The following UBL3 variants were observed in gnomAD, a reference collection of about 807,000 sequenced individuals.
The protein encoded by UBL3 is ubiquitin like 3, also known as ubiquitin-like protein 3.
UBL3 carries 6 observed loss-of-function variants against 18.4 expected under a neutral mutation model. The ratio of observed to expected loss-of-function variants is 0.33; its 90% CI spans 0.18 to 0.64. The LOEUF is 0.64. Ranked by LOEUF, UBL3 falls within the 30% of genes least tolerant of loss-of-function variation. The pLI is 0.76. For missense variants in UBL3, 109 were observed against 142.9 expected (o/e 0.76, Z 1.21); for synonymous variants, 49 against 46.6 (o/e 1.05, Z -0.21).
intron 1 of UBL3, among the ~76,000 whole-genome samples, chr13:29,818,359 T>C (rs1878338569): frequency 6.6e-6 from 1 of 152,156 alleles, no homozygotes; most frequent in African/African-American, 2.4e-5. Flanking sequence ...CAGAGACACT[T>C]AACATCAATT....
intron 1 of UBL3, among the ~76,000 whole-genome samples, chr13:29,793,733 C>T (rs552095296): frequency 2.6e-5 from 4 of 152,250 alleles, no homozygotes; most frequent in Admixed American, 2.0e-4. Flanking sequence ...TAACTAACAC[C>T]ATAAAACGGA....
chr13:29,825,940 T>A (rs1367148326), intron 1 of UBL3, among the ~76,000 whole-genome samples: 1 of 152,220 alleles, frequency 6.6e-6, no homozygotes, highest in Non-Finnish European at 1.5e-5. Context: ...CTTTTCTGCA[T>A]CTATTGAGAT....
intron 1 of UBL3, among the ~76,000 whole-genome samples, chr13:29,847,288 T>C (rs1347115453): frequency 6.6e-6 from 1 of 152,234 alleles, no homozygotes; most frequent in Non-Finnish European, 1.5e-5. Context: ...AAACCTGTGC[T>C]GTACGTTAGT....
At chr13:29,797,110 A>G (rs964345896) in intron 1 of UBL3, among the ~76,000 whole-genome samples, 16 of 152,146 alleles carry the variant, frequency 1.1e-4, no homozygotes, top group African/African-American at 3.9e-4. Flanking sequence ...ACATTATCAA[A>G]CAGGCTCTAA....
intron 1 of UBL3, among the ~76,000 whole-genome samples, chr13:29,784,732 T>C (rs1340241073): frequency 6.6e-6 from 1 of 152,094 alleles, no homozygotes; most frequent in Admixed American, 6.5e-5. Context: ...TATAAAAGGG[T>C]AGCACAAAGA....
intron 1 of UBL3, among the ~76,000 whole-genome samples, chr13:29,812,847 T>C (rs879312000): frequency 3.9e-5 from 6 of 152,072 alleles, no homozygotes; most frequent in Admixed American, 6.6e-5. Context: ...AATAATTTTG[T>C]ATCAATTAGA....
intron 1 of UBL3, among the ~76,000 whole-genome samples, chr13:29,831,915 TAC>T (rs1006277197): frequency 2.6e-5 from 4 of 152,170 alleles, no homozygotes; most frequent in Admixed American, 6.5e-5. Context: ...AGCCACTAGA[TAC>T]ACATAGATAT....
At chr13:29,793,958 C>T (rs1443952402) in intron 1 of UBL3, among the ~76,000 whole-genome samples, 1 of 152,168 alleles carries the variant, frequency 6.6e-6, no homozygotes, top group East Asian at 1.9e-4. Flanking sequence ...GATTTTCCTG[C>T]CTCAGCCTCC....
chr13:29,788,675 C>A (rs1877388295), intron 1 of UBL3, among the ~76,000 whole-genome samples: 1 of 152,114 alleles, frequency 6.6e-6, no homozygotes, highest in African/African-American at 2.4e-5. Flanking sequence ...TATATACTAA[C>A]TGAAAACTAA....
chr13:29,826,378 T>A (rs2139354301), intron 1 of UBL3, among the ~76,000 whole-genome samples: 1 of 152,324 alleles, frequency 6.6e-6, no homozygotes, highest in East Asian at 1.9e-4. Context: ...TTTCAGAGCC[T>A]GTTATTGGTC....
At chr13:29,780,258 G>A in intron 1 of UBL3, among the ~76,000 whole-genome samples, 1 of 149,174 alleles carries the variant, frequency 6.7e-6, no homozygotes, top group Non-Finnish European at 1.5e-5. Context: ...GGAGGCTGAG[G>A]CAGGAGAATG....
chr13:29,765,140 G>A lies in UBL3; in HGVS notation c.*2115C>T, dbSNP rs184125623. The A allele has an allele frequency of 2.6e-4, 39 of 151,930 alleles. No individual in the cohort carries two copies. In the East Asian group the frequency reaches 3.1e-3, roughly 12 times the overall value. The allele number at this position is 151,930 out of a possible 1,614,324, so 9.4% of individuals were successfully genotyped here. On this transcript the variant is annotated 3_prime_UTR_variant, in exon 5 of 5. Coordinates refer to ENST00000380680, the MANE Select transcript of UBL3 (RefSeq NM_007106.4). ...AGAAAAATATATTGAAAAACCAATA[G>A]AGAATTATTTTTAACCATCATAAAA...
In UBL3 at chr13:29,767,671, G is replaced by GT; in HGVS notation, c.247dup (p.Thr83AsnfsTer24). On this transcript the variant is annotated frameshift_variant, in exon 4 of 5. Transcript: ENST00000380680. LOFTEE classifies it high-confidence loss of function. ...TCTGGCCACCAAATGCATCACTGTT[G>GT]TTTTGCCAAAAGGAAGTTTTAATGC... The GT allele has an allele frequency of 6.2e-7, 1 of 1,612,842 alleles. No individual in the cohort carries two copies.
chr13:29,769,152 A>G (rs1197833393), intron 3 of UBL3, among the ~76,000 whole-genome samples: 1 of 152,150 alleles, frequency 6.6e-6, no homozygotes, highest in Non-Finnish European at 1.5e-5. Context: ...AGCATTCAGT[A>G]TATACTACCA....
intron 1 of UBL3, among the ~76,000 whole-genome samples, chr13:29,796,335 T>G (rs891262947): frequency 6.6e-5 from 10 of 152,206 alleles, no homozygotes; most frequent in Admixed American, 5.2e-4. Flanking sequence ...TTTACTTAAC[T>G]TACAAATCTG....
chr13:29,828,637 C>T (rs1315464883), intron 1 of UBL3, among the ~76,000 whole-genome samples: 2 of 152,188 alleles, frequency 1.3e-5, no homozygotes, highest in South Asian at 2.1e-4. Flanking sequence ...TCCTTTAGCT[C>T]GGAGAAGTCT....
intron 1 of UBL3, among the ~76,000 whole-genome samples, chr13:29,826,633 C>T (rs1443000191): frequency 1.3e-5 from 2 of 152,160 alleles, no homozygotes; most frequent in East Asian, 3.8e-4. Context: ...TTTCAAAAAA[C>T]CAGCTCCTGG....
chr13:29,774,690 A>G (rs1278531536), intron 2 of UBL3, among the ~76,000 whole-genome samples: 1 of 152,156 alleles, frequency 6.6e-6, no homozygotes, highest in African/African-American at 2.4e-5. Flanking sequence ...TATTTCTTAA[A>G]TTTAGGCCTA....
chr13:29,822,729 C>T (rs188063463), intron 1 of UBL3, among the ~76,000 whole-genome samples: 6 of 152,188 alleles, frequency 3.9e-5, no homozygotes, highest in East Asian at 1.9e-4. Context: ...AAAGGAAATA[C>T]GGTACAGCTA....
Sources: allele counts gnomAD v4.1 joint callset (sites outside exome capture counted in the v4.1 genomes callset), GRCh38; gene constraint gnomAD v4.1.1; transcripts MANE v1.5; gene names NCBI Gene and HGNC (gene_info 2026-07-23, HGNC 2026-07-21).